Variants in GRXCR1 observed in about 807,000 individuals in gnomAD.
GRXCR1 encodes the protein glutaredoxin domain-containing cysteine-rich protein 1.
Under a neutral mutation model 27.3 loss-of-function variants are expected in GRXCR1, and 27 were observed. The observed-to-expected ratio is 0.99, with a 90% CI of 0.73 to 1.37. The LOEUF (loss-of-function observed/expected upper bound fraction) is 1.37. Among genes scored for constraint, GRXCR1 ranks in the 40% most tolerant of loss-of-function variants. The pLI, the probability that GRXCR1 is intolerant of heterozygous loss-of-function variation, is 0.00. For synonymous variants in GRXCR1, 122 were observed against 131.1 expected (o/e 0.93, Z 0.47); for missense variants, 379 against 354.4 (o/e 1.07, Z -0.56).
chr4:42,960,503 T>A (rs1039860947), intron 1 of GRXCR1, among the ~76,000 whole-genome samples: 1 of 151,878 alleles, frequency 6.6e-6, no homozygotes, highest in Non-Finnish European at 1.5e-5. Flanking sequence ...AGTAATAATT[T>A]CCTTTATGTC....
chr4:42,904,135 G>A (rs781395305), intron 1 of GRXCR1, among the ~76,000 whole-genome samples: 1 of 152,116 alleles, frequency 6.6e-6, no homozygotes, highest in African/African-American at 2.4e-5. Context: ...TTCACAAGGG[G>A]CCAGAATGTC....
intron 1 of GRXCR1, among the ~76,000 whole-genome samples, chr4:42,927,127 C>G (rs569364926): frequency 6.6e-6 from 1 of 152,094 alleles, no homozygotes; most frequent in South Asian, 2.1e-4. Context: ...TTTGTTGGTT[C>G]TCAACCATCC....
chr4:42,948,637 C>T (rs1440160833), intron 1 of GRXCR1, among the ~76,000 whole-genome samples: 1 of 152,026 alleles, frequency 6.6e-6, no homozygotes, highest in African/African-American at 2.4e-5. Context: ...GTGTCCCTCT[C>T]CTAATCCCTG....
chr4:42,966,642 C>T (rs548335185), intron 2 of GRXCR1, among the ~76,000 whole-genome samples: 48 of 152,178 alleles, frequency 3.2e-4, no homozygotes, highest in African/African-American at 1.1e-3. Context: ...AAGGAGTTGG[C>T]TCCAGAAATC....
chr4:42,957,691 G>C (rs1748038062), intron 1 of GRXCR1, among the ~76,000 whole-genome samples: 2 of 151,412 alleles, frequency 1.3e-5, no homozygotes, highest in African/African-American at 2.4e-5. Context: ...TCCTTCTTCT[G>C]CTTGATCAAT....
intron 1 of GRXCR1, among the ~76,000 whole-genome samples, chr4:42,905,534 GT>G (rs1198142845): frequency 1.3e-5 from 2 of 152,154 alleles, no homozygotes; most frequent in African/African-American, 2.4e-5. Context: ...CTGTTGCTGA[GT>G]TTTTTTCGTG....
chr4:42,948,847 A>C (rs2109767466), intron 1 of GRXCR1, among the ~76,000 whole-genome samples: 1 of 152,270 alleles, frequency 6.6e-6, no homozygotes, highest in East Asian at 1.9e-4. Context: ...ACCCTTTAGC[A>C]GCCGGCAAAG....
intron 1 of GRXCR1, among the ~76,000 whole-genome samples, chr4:42,949,626 A>G (rs888787437): frequency 6.6e-6 from 1 of 152,152 alleles, no homozygotes; most frequent in Non-Finnish European, 1.5e-5. Flanking sequence ...TACCTTACTT[A>G]TAGAGTTAAA....
intron 1 of GRXCR1, among the ~76,000 whole-genome samples, chr4:42,922,640 G>A (rs1054662903): frequency 1.3e-5 from 2 of 152,074 alleles, no homozygotes; most frequent in African/African-American, 4.8e-5. Flanking sequence ...AAAGGTATTG[G>A]CCCCTGTTAC....
chr4:42,967,154 G>T (rs1390325939), intron 2 of GRXCR1, among the ~76,000 whole-genome samples: 3 of 152,002 alleles, frequency 2.0e-5, no homozygotes, highest in African/African-American at 7.2e-5. Flanking sequence ...TTTGCTCCTA[G>T]TTATCTTCTA....
intron 1 of GRXCR1, among the ~76,000 whole-genome samples, chr4:42,923,592 G>C (rs1747072375): frequency 6.6e-6 from 1 of 152,018 alleles, no homozygotes; most frequent in Admixed American, 6.6e-5. Context: ...TTTAAAATGT[G>C]TCCTGGGCCA....
intron 1 of GRXCR1, among the ~76,000 whole-genome samples, chr4:42,916,148 T>A (rs1746882284): frequency 6.6e-6 from 1 of 151,114 alleles, no homozygotes; most frequent in Non-Finnish European, 1.5e-5. Context: ...AACAGAAAGT[T>A]ATAAGCAGGG....
chr4:43,025,872 A>G (rs1355448046), intron 3 of GRXCR1, among the ~76,000 whole-genome samples: 3 of 151,234 alleles, frequency 2.0e-5, no homozygotes, highest in African/African-American at 7.3e-5. Context: ...GCTACTCGGG[A>G]GGCTGAGGCA....
chr4:42,974,726 C>T (rs1748470559), intron 2 of GRXCR1, among the ~76,000 whole-genome samples: 1 of 152,070 alleles, frequency 6.6e-6, no homozygotes, highest in African/African-American at 2.4e-5. Context: ...AGGAACGAAA[C>T]TGCCTGGAAG....
At chr4:43,021,310 C>T (rs1713085134) in intron 3 of GRXCR1, among the ~76,000 whole-genome samples, 1 of 152,112 alleles carries the variant, frequency 6.6e-6, no homozygotes, top group Admixed American at 6.6e-5. Context: ...TTTTCAAGGC[C>T]CATCTTCAGT....
At chr4:42,985,309 C>A (rs1224180561) in intron 2 of GRXCR1, among the ~76,000 whole-genome samples, 1 of 152,036 alleles carries the variant, frequency 6.6e-6, no homozygotes, top group Non-Finnish European at 1.5e-5. Flanking sequence ...AATGTATAAT[C>A]TGTGTTTTTT....
intron 2 of GRXCR1, among the ~76,000 whole-genome samples, chr4:42,987,993 T>G (rs955292707): frequency 1.3e-5 from 2 of 152,186 alleles, no homozygotes; most frequent in African/African-American, 2.4e-5. Flanking sequence ...CTCCTTGCTC[T>G]TCTCATTGGG....
intron 1 of GRXCR1, among the ~76,000 whole-genome samples, chr4:42,894,457 C>A (rs1333047208): frequency 1.3e-5 from 2 of 151,978 alleles, no homozygotes; most frequent in African/African-American, 4.8e-5. Flanking sequence ...TGATTGCTAT[C>A]ATTAAGGTAG....
At chr4:42,909,833 C>T (rs997261691) in intron 1 of GRXCR1, among the ~76,000 whole-genome samples, 1 of 152,092 alleles carries the variant, frequency 6.6e-6, no homozygotes, top group South Asian at 2.1e-4. Flanking sequence ...GGTGTATTAG[C>T]CTGAGTCCCT....
Sources: allele counts gnomAD v4.1 joint callset (sites outside exome capture counted in the v4.1 genomes callset), GRCh38; gene constraint gnomAD v4.1.1; transcripts MANE v1.5; gene names NCBI Gene and HGNC (gene_info 2026-07-23, HGNC 2026-07-21).